Variants in TENM3 observed in about 807,000 individuals in gnomAD.
The protein encoded by TENM3 is teneurin transmembrane protein 3.
TENM3 carries 63 observed loss-of-function variants against 255.1 expected under a neutral mutation model. That is an observed-to-expected ratio of 0.25 (90% CI 0.20 to 0.30). TENM3 has a LOEUF of 0.30. TENM3 is among the 10% of genes least tolerant of loss of function. TENM3 has a pLI of 1.00. For missense variants in TENM3, 2,929 were observed against 3,461.1 expected (o/e 0.85, Z 3.86); for synonymous variants, 1,306 against 1,322.3 (o/e 0.99, Z 0.27).
the TENM3 span, among the ~76,000 whole-genome samples, chr4:181,796,380 A>G: frequency 6.6e-5 from 10 of 152,176 alleles, no homozygotes; most frequent in Admixed American, 2.0e-4. Context: ...AAAGTTTGTG[A>G]TGTTCAGTGG....
At chr4:181,954,726 GT>G in the TENM3 span, among the ~76,000 whole-genome samples, 1 of 152,080 alleles carries the variant, frequency 6.6e-6, no homozygotes, top group Admixed American at 6.6e-5. Flanking sequence ...TTTTGATAAA[GT>G]TTTTTGTTTC....
At chr4:181,957,954 T>A in the TENM3 span, among the ~76,000 whole-genome samples, 1 of 152,200 alleles carries the variant, frequency 6.6e-6, no homozygotes, top group African/African-American at 2.4e-5. Context: ...TCTTTGGGTA[T>A]TATAATGTCA....
intron 1 of TENM3, among the ~76,000 whole-genome samples, chr4:182,221,068 G>A (rs917733488): frequency 1.3e-5 from 2 of 152,192 alleles, no homozygotes; most frequent in Non-Finnish European, 2.9e-5. Context: ...TGTTCTGTGT[G>A]TGTGCTTAAG....
At chr4:182,481,879 A>G (rs549382025) in intron 3 of TENM3, among the ~76,000 whole-genome samples, 1 of 152,328 alleles carries the variant, frequency 6.6e-6, no homozygotes, top group Non-Finnish European at 1.5e-5. Flanking sequence ...TTTTTGCTTT[A>G]TATCAAAATT....
chr4:181,684,944 T>A, the TENM3 span, among the ~76,000 whole-genome samples: 655 of 101,532 alleles, frequency 6.5e-3, 3 homozygotes, highest in Middle Eastern at 0.019. Context: ...TTTTTTTTTT[T>A]AAGTAGAAAC....
the TENM3 span, among the ~76,000 whole-genome samples, chr4:181,960,703 A>G: frequency 1.3e-5 from 2 of 152,208 alleles, no homozygotes; most frequent in Non-Finnish European, 2.9e-5. Context: ...TGTATACACT[A>G]TAACTCTAAC....
intron 16 of TENM3, among the ~76,000 whole-genome samples, chr4:182,736,215 G>GT (rs1320915868): frequency 6.6e-6 from 1 of 152,218 alleles, no homozygotes; most frequent in Non-Finnish European, 1.5e-5. Flanking sequence ...ACGATTGGGT[G>GT]TTTTTTGTTA....
intron 3 of TENM3, among the ~76,000 whole-genome samples, chr4:182,569,985 C>T (rs189506482): frequency 2.3e-3 from 348 of 152,258 alleles, no homozygotes; most frequent in Non-Finnish European, 4.2e-3. Flanking sequence ...AAAATTAACT[C>T]CACCTGCTTC....
chr4:181,681,349 C>T, the TENM3 span, among the ~76,000 whole-genome samples: 5 of 151,920 alleles, frequency 3.3e-5, no homozygotes, highest in Admixed American at 3.3e-4. Flanking sequence ...TGGAAAGAAA[C>T]TGCTTTATGC....
the TENM3 span, among the ~76,000 whole-genome samples, chr4:181,728,757 G>A: frequency 2.6e-5 from 4 of 152,162 alleles, no homozygotes; most frequent in East Asian, 7.7e-4. Context: ...CTGTGACTAA[G>A]AATGCCTAAC....
At chr4:181,741,667 G>A in the TENM3 span, among the ~76,000 whole-genome samples, 19 of 152,214 alleles carry the variant, frequency 1.2e-4, 1 homozygote, top group African/African-American at 4.3e-4. Context: ...CAGAGTGCTG[G>A]TGCCTGACAG....
chr4:181,743,121 G>A, the TENM3 span, among the ~76,000 whole-genome samples: 1 of 151,932 alleles, frequency 6.6e-6, no homozygotes, highest in Non-Finnish European at 1.5e-5. Context: ...ATTGTGAATA[G>A]TGCCGCAGTA....
At chr4:182,021,941 G>A in the TENM3 span, among the ~76,000 whole-genome samples, 1 of 152,148 alleles carries the variant, frequency 6.6e-6, no homozygotes, top group East Asian at 1.9e-4. Context: ...CATTGTTAGT[G>A]GAAATGTGAA....
At chr4:182,164,567 G>A (rs1020654430) in intron 1 of TENM3, among the ~76,000 whole-genome samples, 7 of 152,094 alleles carry the variant, frequency 4.6e-5, no homozygotes, top group African/African-American at 9.7e-5. Context: ...TTTTAAGAAC[G>A]CAAAGAGGAT....
At chr4:181,841,183 A>G in the TENM3 span, among the ~76,000 whole-genome samples, 1 of 152,094 alleles carries the variant, frequency 6.6e-6, no homozygotes, top group Admixed American at 6.5e-5. Context: ...CTGTAAAATT[A>G]CCTTCTATGA....
At chr4:182,607,938 T>TAAA (rs1161582538) in intron 4 of TENM3, among the ~76,000 whole-genome samples, 2 of 152,218 alleles carry the variant, frequency 1.3e-5, no homozygotes, top group African/African-American at 4.8e-5. Flanking sequence ...GTGAACAGTG[T>TAAA]AAAAGGTAAT....
At chr4:182,777,541 G>GTGT (rs1579462872) in intron 24 of TENM3, among the ~76,000 whole-genome samples, 1 of 106,396 alleles carries the variant, frequency 9.4e-6, no homozygotes, top group African/African-American at 4.1e-5. Flanking sequence ...GTGTGTGTGT[G>GTGT]TATTTCTTTT....
chr4:182,654,827 A>T (rs17073717), intron 6 of TENM3, among the ~76,000 whole-genome samples: 2 of 152,076 alleles, frequency 1.3e-5, no homozygotes, highest in South Asian at 4.2e-4. Flanking sequence ...GTACCCATTT[A>T]CTGGGATGAA....
At chr4:181,783,857 T>G in the TENM3 span, among the ~76,000 whole-genome samples, 8,590 of 152,114 alleles carry the variant, frequency 0.056, 452 homozygotes, top group African/African-American at 0.14. Context: ...GCACCACTAT[T>G]CTCAGCTAAA....
Sources: allele counts gnomAD v4.1 joint callset (sites outside exome capture counted in the v4.1 genomes callset), GRCh38; gene constraint gnomAD v4.1.1; transcripts MANE v1.5; gene names NCBI Gene and HGNC (gene_info 2026-07-23, HGNC 2026-07-21).